The following PREB variants were observed in gnomAD, a reference collection of about 807,000 sequenced individuals.
PREB encodes the protein guanine nucleotide-exchange factor SEC12.
PREB carries 29 observed loss-of-function variants against 46.7 expected under a neutral mutation model. The observed-to-expected ratio is 0.62, with a 90% CI of 0.46 to 0.85. The LOEUF (loss-of-function observed/expected upper bound fraction) is 0.85, where lower values mean the gene tolerates loss of function less well. PREB is among the 40% of genes least tolerant of loss of function. PREB has a pLI of 0.00. For synonymous variants in PREB, 224 were observed against 220.1 expected (o/e 1.02, Z -0.16); for missense variants, 494 against 528.4 (o/e 0.93, Z 0.64).
In PREB at chr2:27,133,269, T is replaced by C; in HGVS notation, c.394A>G (p.Thr132Ala). The change falls in exon 3 of 9, where the codon ACC (threonine) becomes GCC (alanine). Residue 132 changes from threonine (T) to alanine (A), a missense_variant. By Grantham distance (58) the Thr-to-Ala change is moderately conservative (BLOSUM62 0). Transcript: ENST00000260643. ...CTGAGTTCTAGCCCCTCGTGCTGGG[T>C]TTCCGCTCCACATTTCTTCTCTGCT... ...APAEKKCGAE[T>A]QHEGLELRVE... is the part of the protein sequence containing the mutation. 1.2e-6 allele frequency: 2 copies of C among 1,614,140 alleles called. No homozygotes were observed. Among genetic ancestry groups the C allele is most frequent in the Non-Finnish European group, 1.7e-6 (2 of 1,180,010 alleles).
chr2:27,133,830 G>T, intron 1 of PREB, 109 bp from the exon 2 acceptor site: 1 of 1,147,322 alleles, frequency 8.7e-7, no homozygotes. Context: ...TAGTTCACAA[G>T]GGTTTCTCGA....
Position 27,132,778 on chromosome 2 carries a change from T to C in PREB, c.628-51A>G. On this transcript the variant is annotated intron_variant, in intron 4 of 8. Coordinates refer to ENST00000260643, the MANE Select transcript of PREB (RefSeq NM_013388.6). This position sits in a 1 kb window ranked among gnomAD's most constrained non-coding sequence, Gnocchi z 4.0. ...ATGGACAGTTAGGGGATCCACTTAC[T>C]GGGCAAGCAGCATAAGCACCTCCTC... 6.2e-7 allele frequency: 1 copy of C among 1,613,586 alleles called. No homozygotes were observed. Among genetic ancestry groups the C allele is most frequent in the Non-Finnish European group, 8.5e-7 (1 of 1,179,546 alleles).
rs1672420265 is a variant in PREB at position 27,134,493 on chromosome 2, C to T, written c.-72G>A. 5 of 1,401,628 alleles carry T rather than the reference C, an allele frequency of 3.6e-6. No homozygotes were observed. The Admixed American group carries it at 1.4e-4, about 39-fold the overall frequency. The allele number at this position is 1,401,628 out of a possible 1,614,324, so 86.8% of individuals were successfully genotyped here. A position where few individuals can be genotyped will look rare whatever the true frequency, so the allele number is the denominator to read the frequency against. On this transcript the variant is annotated 5_prime_UTR_variant, in exon 1 of 9. Coordinates refer to ENST00000260643, the MANE Select transcript of PREB (RefSeq NM_013388.6). ...GCCGCGCCGGGCCTTCGACTACTGC[C>T]CCGGCGGCTGGTGAACTCGGCCCCG...
intron 1 of PREB, 92 bp downstream of exon 1, chr2:27,134,195 C>T: frequency 7.1e-7 from 1 of 1,407,604 alleles, no homozygotes; most frequent in Non-Finnish European, 9.4e-7. Context: ...GGGCCCGAAG[C>T]TGGAGTGTGG....
rs750430199 is a variant in PREB at position 27,134,430 on chromosome 2, G to A, written c.-9C>T. The stretch of plus-strand genomic sequence containing the variant: ...GCCCGGCGCCGGCCCATCCCGCCCG[G>A]CGCGCGTTCACTGCCCGCACCGCGG... On this transcript the variant is annotated 5_prime_UTR_variant, in exon 1 of 9. Coordinates refer to ENST00000260643, the MANE Select transcript of PREB (RefSeq NM_013388.6). The A allele has an allele frequency of 1.2e-5, 18 of 1,554,744 alleles. No homozygotes were observed. The highest frequency in any genetic ancestry group is 1.4e-5 in the Non-Finnish European group (16 of 1,157,216).
At position 27,131,376 on chromosome 2, in the gene PREB, G is replaced by A; in HGVS notation, c.*38C>T. On this transcript the variant is annotated 3_prime_UTR_variant, in exon 9 of 9. Coordinates refer to ENST00000260643, the MANE Select transcript of PREB (RefSeq NM_013388.6). ...AGGCCTCCACTCTGCTCTAGAGATG[G>A]CAGTGTCCAGGCTCCTGATTCCCAG... 4.7e-6 allele frequency: 7 copies of A among 1,494,108 alleles called. No individual in the cohort carries two copies. Among genetic ancestry groups the A allele is most frequent in the Non-Finnish European group, 5.5e-6 (6 of 1,094,544 alleles). 92.6% of individuals were successfully genotyped at this position (1,494,108 alleles called of 1,614,324 possible).
Position 27,131,276 on chromosome 2 carries a change from G to A in PREB, c.*138C>T, listed in dbSNP as rs558434829. ...CCATAGCCAAGCCTTTTCACTAGAA[G>A]GGCAGGCAGTGCCCATTCATCTTGT... is the stretch of plus-strand genomic sequence containing the variant. On this transcript the variant is annotated 3_prime_UTR_variant, in exon 9 of 9. Coordinates refer to ENST00000260643, the MANE Select transcript of PREB (RefSeq NM_013388.6). 3.7e-4 allele frequency: 280 copies of A among 766,970 alleles called. 1 individual carries two copies. The African/African-American group carries it at 4.4e-3, about 12-fold the overall frequency. 47.5% of individuals were successfully genotyped at this position (766,970 alleles called of 1,614,324 possible).
intron 1 of PREB, 172 bp from the exon 2 acceptor site, chr2:27,133,893 G>T: frequency 1.5e-6 from 1 of 663,814 alleles, no homozygotes; most frequent in Non-Finnish European, 2.5e-6. Context: ...GCAGGACTGG[G>T]ATTATTACCT....
intron 7 of PREB, 32 bp from the exon 8 acceptor site, chr2:27,131,863 G>C: frequency 6.2e-7 from 1 of 1,608,842 alleles, no homozygotes; most frequent in Non-Finnish European, 8.5e-7. Context: ...GTGAGGAAAG[G>C]CCTAGCTGGG....
chr2:27,132,132 C>G lies in PREB; in HGVS notation c.927-50G>C, dbSNP rs752824411. ...TTGTCCTGGAGGCTTGTGCAGCAAC[C>G]CTCATACCCCAATACCGGTCCGTAG... On this transcript the variant is annotated intron_variant, in intron 6 of 8. Coordinates refer to ENST00000260643, the MANE Select transcript of PREB (RefSeq NM_013388.6). This position sits in a 1 kb window ranked among gnomAD's most constrained non-coding sequence, Gnocchi z 4.0. 4 of 1,610,018 alleles carry G rather than the reference C, an allele frequency of 2.5e-6. No individual in the cohort carries two copies. In the Admixed American group the frequency reaches 6.7e-5, roughly 27 times the overall value.
rs200064896 is a variant in PREB at position 27,131,328 on chromosome 2, A to C, written c.*86T>G. 1.1e-4 allele frequency: 135 copies of C among 1,264,398 alleles called. No homozygotes were observed. Among genetic ancestry groups the C allele is most frequent in the Non-Finnish European group, 1.8e-5 (16 of 888,452 alleles). The allele number at this position is 1,264,398 out of a possible 1,614,324, so 78.3% of individuals were successfully genotyped here. On this transcript the variant is annotated 3_prime_UTR_variant, in exon 9 of 9. Transcript: ENST00000260643. ...AGCGGCAACCTCAGCTGTGGACCCG[A>C]ATGGAGTGAGCAAAGGGAGTCCAGG... is the stretch of plus-strand genomic sequence containing the variant.
chr2:27,133,468 GA>G, intron 2 of PREB, 63 bp downstream of exon 2: 1 of 1,592,938 alleles, frequency 6.3e-7, no homozygotes, highest in Non-Finnish European at 8.6e-7. Flanking sequence ...CTTCTTTAGA[GA>G]CACCAAGAGT....
At chr2:27,131,859 A>C in intron 7 of PREB, 28 bp from the exon 8 acceptor site, 1 of 1,610,836 alleles carries the variant, frequency 6.2e-7, no homozygotes, top group Non-Finnish European at 8.5e-7. Context: ...ACCAGTGAGG[A>C]AAGGCCTAGC....
rs778377650 is a variant in PREB, at chr2:27,132,053, G to A, written c.956C>T (p.Thr319Ile). ...SESGTFLGLG[T>I]VTGSVAIYIA... ...GTAGATGGCAACAGAGCCAGTGACT[G>A]TGCCCAGGCCTAGGAAGGTGCCGGA... Residue 319 changes from threonine (T) to isoleucine (I), a missense_variant, in exon 7 of 9, where the codon ACA becomes ATA. Physicochemically the swap from Thr to Ile is moderately conservative, Grantham distance 89 (BLOSUM62 -1). Coordinates refer to ENST00000260643, the MANE Select transcript of PREB (RefSeq NM_013388.6). This position sits in a 1 kb window ranked among gnomAD's most constrained non-coding sequence, Gnocchi z 4.0. 8.7e-6 allele frequency: 14 copies of A among 1,614,184 alleles called. 1 individual carries two copies. The South Asian group carries it at 1.4e-4, about 16-fold the overall frequency.
chr2:27,133,409 G>A (rs1672368637), intron 2 of PREB, 72 bp from the exon 3 acceptor site: 2 of 1,599,486 alleles, frequency 1.3e-6, no homozygotes, highest in Non-Finnish European at 1.7e-6. Flanking sequence ...TCCATGGCAG[G>A]TGCCCATACA....
intron 1 of PREB, 151 bp from the exon 2 acceptor site, chr2:27,133,872 C>T: frequency 1.4e-6 from 1 of 725,196 alleles, no homozygotes. Context: ...CCTCACAAAT[C>T]TACACAGTGA....
In PREB at chr2:27,131,439, T is replaced by C. The variant is rs533096530; in HGVS notation, c.1229A>G (p.Gln410Arg). 26 of 1,563,022 alleles carry C rather than the reference T, an allele frequency of 1.7e-5. No individual in the cohort carries two copies. The South Asian group carries it at 2.8e-4, about 17-fold the overall frequency. The change falls in exon 9 of 9, where the codon CAG becomes CGG. Residue 410 changes from glutamine (Q) to arginine (R), a missense_variant. Gln to Arg is a conservative substitution (Grantham distance 43). Coordinates refer to ENST00000260643, the MANE Select transcript of PREB (RefSeq NM_013388.6). ...CTAAAGGAAACCTGGAAAGGCACTC[T>C]GGAGCAGCAGGATGGTCACAATAAT... ...GLIIVTILLLQSAFPGFL is the reference protein window; with the variant it reads ...GLIIVTILLLRSAFPGFL
chr2:27,132,897 C>T lies in PREB; in HGVS notation c.573G>A (p.Glu191=). 1 of 1,613,954 alleles carries T rather than the reference C, an allele frequency of 6.2e-7. No individual in the cohort carries two copies. Residue 191 remains glutamate (E), a synonymous_variant, in exon 4 of 9, where the codon GAG becomes GAA. Transcript: ENST00000260643. The surrounding 1 kb of genome is among the most constrained non-coding windows in gnomAD (Gnocchi z 4.0). ...CAATCTCCCCTTCGTGGGCTTTGAA[C>T]TCCAGAACCTTCTCCAGGCTGGGCA... ...WKVPSLEKVL[E]FKAHEGEIED...
rs1197255808 is a variant in PREB at position 27,133,734 on chromosome 2, G to C, written c.136-13C>G. The C allele has an allele frequency of 6.2e-7, 1 of 1,612,376 alleles. No homozygotes were observed. Among genetic ancestry groups the C allele is most frequent in the African/African-American group, 1.3e-5 (1 of 74,924 alleles). The stretch of plus-strand genomic sequence containing the variant: ...GCTGCAGAAAGTGCTGTGGGAGGGG[G>C]AACCCGGATGAGCAAGTTCAGGGGT... On this transcript the variant is annotated splice_polypyrimidine_tract_variant and intron_variant, in intron 1 of 8. Transcript: ENST00000260643.
Sources: allele counts gnomAD v4.1 joint callset, GRCh38; gene constraint gnomAD v4.1.1; non-coding constraint Gnocchi (gnomAD v3.1); transcripts MANE v1.5; gene names NCBI Gene and HGNC (gene_info 2026-07-23, HGNC 2026-07-21).